Variants in PARVB observed in about 807,000 individuals in gnomAD.
The protein encoded by PARVB is beta-parvin.
Under a neutral mutation model 47.0 loss-of-function variants are expected in PARVB, and 46 were observed. The observed-to-expected ratio is 0.98, with a 90% CI of 0.77 to 1.25. The LOEUF is 1.25. Ranked by LOEUF, PARVB falls within the 50% of genes most tolerant of loss-of-function variation. The pLI, the probability that PARVB is intolerant of heterozygous loss-of-function variation, is 0.00. For missense variants in PARVB, 473 were observed against 471.6 expected, an observed-to-expected ratio of 1.00 and a Z score of -0.03; for synonymous variants, 196 against 196.3, an observed-to-expected ratio of 1.00 and a Z score of 0.01.
At chr22:44,087,855 T>TTG (rs2052064030) in intron 1 of PARVB, among the ~76,000 whole-genome samples, 1 of 150,838 alleles carries the variant, frequency 6.6e-6, no homozygotes, top group African/African-American at 2.4e-5. Flanking sequence ...TGTTTTTTTT[T>TTG]TTTTTTTTCT....
At chr22:44,061,972 T>C (rs2051428538) in intron 1 of PARVB, among the ~76,000 whole-genome samples, 1 of 152,216 alleles carries the variant, frequency 6.6e-6, no homozygotes, top group Non-Finnish European at 1.5e-5. Flanking sequence ...AGAGTATTGA[T>C]TCTGAGCTTA....
chr22:44,133,578 G>A (rs1235792610), intron 6 of PARVB, among the ~76,000 whole-genome samples: 1 of 152,042 alleles, frequency 6.6e-6, no homozygotes, highest in African/African-American at 2.4e-5. Context: ...TCACTCTGTT[G>A]CCCAGGCTGG....
intron 1 of PARVB, among the ~76,000 whole-genome samples, chr22:44,041,899 A>AC (rs2051025592): frequency 4.0e-5 from 6 of 151,842 alleles, no homozygotes; most frequent in African/African-American, 1.4e-4. Context: ...ATAAATAAAT[A>AC]AATAAATACA....
intron 3 of PARVB, chr22:44,110,896 G>A (rs903221437): frequency 3.3e-5 from 5 of 152,124 alleles, no homozygotes; most frequent in Non-Finnish European, 5.9e-5. Flanking sequence ...CATTGCGCCC[G>A]GCCTATATAT....
chr22:44,154,287 A>G (rs1601692855), intron 10 of PARVB, among the ~76,000 whole-genome samples: 1 of 152,266 alleles, frequency 6.6e-6, no homozygotes, highest in Admixed American at 6.5e-5. Flanking sequence ...GTCGCTGGTT[A>G]CAGAAATGCA....
At chr22:44,050,173 C>A (rs1337180903) in intron 1 of PARVB, among the ~76,000 whole-genome samples, 2 of 152,170 alleles carry the variant, frequency 1.3e-5, no homozygotes, top group Non-Finnish European at 2.9e-5. Flanking sequence ...CTTTACACTT[C>A]TTCAGATATG....
At chr22:44,136,975 T>C (rs982304504) in intron 7 of PARVB, among the ~76,000 whole-genome samples, 1 of 152,210 alleles carries the variant, frequency 6.6e-6, no homozygotes, top group African/African-American at 2.4e-5. Flanking sequence ...TGTTCAGAAG[T>C]CTAAAAGGCT....
chr22:44,073,584 C>T (rs909889141), intron 1 of PARVB, among the ~76,000 whole-genome samples: 26 of 152,214 alleles, frequency 1.7e-4, no homozygotes, highest in African/African-American at 2.2e-4. Context: ...TAAAGGGAAC[C>T]GAGAGATGAA....
intron 2 of PARVB, among the ~76,000 whole-genome samples, chr22:44,016,270 G>C (rs2050579535): frequency 4.0e-5 from 6 of 151,798 alleles, no homozygotes; most frequent in Admixed American, 3.9e-4. Flanking sequence ...CTAATTTTTT[G>C]TATTTTTAGT....
chr22:44,117,743 G>T, intron 3 of PARVB, among the ~76,000 whole-genome samples: 1 of 152,170 alleles, frequency 6.6e-6, no homozygotes, highest in East Asian at 1.9e-4. Context: ...GACAGGGGAC[G>T]GTATATTCTG....
At chr22:44,026,094 T>C (rs528852591) in intron 1 of PARVB, among the ~76,000 whole-genome samples, 4 of 152,310 alleles carry the variant, frequency 2.6e-5, no homozygotes, top group African/African-American at 9.6e-5. Context: ...GGAACCGGAA[T>C]GTTCTGGGCT....
chr22:44,027,464 C>T (rs781408558), intron 1 of PARVB, among the ~76,000 whole-genome samples: 7 of 152,216 alleles, frequency 4.6e-5, no homozygotes, highest in Non-Finnish European at 5.9e-5. Flanking sequence ...GGACCTCAGG[C>T]GCCACTGCCC....
At chr22:44,014,268 GC>G (rs1436351425) in intron 2 of PARVB, among the ~76,000 whole-genome samples, 2 of 152,180 alleles carry the variant, frequency 1.3e-5, no homozygotes, top group African/African-American at 2.4e-5. Context: ...ACACAGTGCA[GC>G]CCCCAGCATG....
At chr22:44,055,656 ATCTCTCTC>A (rs3083345) in intron 1 of PARVB, among the ~76,000 whole-genome samples, 2,644 of 148,376 alleles carry the variant, frequency 0.018, 82 homozygotes, top group African/African-American at 0.063. Context: ...GTCTCTATCC[ATCTCTCTC>A]TCTCTCTCTC....
intron 12 of PARVB, among the ~76,000 whole-genome samples, chr22:44,166,791 G>GC (rs2054177941): frequency 1.3e-5 from 2 of 152,268 alleles, no homozygotes; most frequent in African/African-American, 4.8e-5. Context: ...TTATTTTGTG[G>GC]CTGATGCAAT....
intron 1 of PARVB, among the ~76,000 whole-genome samples, chr22:44,074,854 C>T (rs1252521596): frequency 1.3e-5 from 2 of 152,200 alleles, no homozygotes; most frequent in Admixed American, 6.5e-5. Context: ...GCCCTTCCCT[C>T]CACCCCACCT....
intron 1 of PARVB, among the ~76,000 whole-genome samples, chr22:44,035,411 C>A (rs1220864253): frequency 7.1e-6 from 1 of 141,242 alleles, no homozygotes; most frequent in East Asian, 2.2e-4. Flanking sequence ...CGCTCTGTTG[C>A]CCAGGCTGGA....
At chr22:44,017,271 A>G (rs1260202247) in intron 2 of PARVB, among the ~76,000 whole-genome samples, 1 of 152,230 alleles carries the variant, frequency 6.6e-6, no homozygotes, top group Non-Finnish European at 1.5e-5. Flanking sequence ...GTCTCTAGAC[A>G]AAGAGGTGCA....
chr22:44,057,942 G>A (rs983011219), intron 1 of PARVB, among the ~76,000 whole-genome samples: 3 of 152,048 alleles, frequency 2.0e-5, no homozygotes, highest in Admixed American at 6.6e-5. Context: ...GCTGAGAGCC[G>A]CTAGACCTGG....
Sources: allele counts gnomAD v4.1 joint callset (sites outside exome capture counted in the v4.1 genomes callset), GRCh38; gene constraint gnomAD v4.1.1; transcripts MANE v1.5; gene names NCBI Gene and HGNC (gene_info 2026-07-23, HGNC 2026-07-21).